The following MAGI1 variants were observed in gnomAD, a reference collection of about 807,000 sequenced individuals.
MAGI1 encodes the protein membrane associated guanylate kinase, WW and PDZ domain containing 1, also known as membrane-associated guanylate kinase, WW and PDZ domain-containing protein 1.
Under a neutral mutation model 139.9 loss-of-function variants are expected in MAGI1, and 58 were observed. The observed-to-expected ratio is 0.41, with a 90% confidence interval of 0.34 to 0.52. The LOEUF (loss-of-function observed/expected upper bound fraction) is 0.52, where lower values mean the gene tolerates loss of function less well. Ranked by LOEUF, MAGI1 falls within the 20% of genes least tolerant of loss-of-function variation. The pLI, the probability that MAGI1 is intolerant of heterozygous loss-of-function variation, is 0.12. For synonymous variants in MAGI1, 812 were observed against 737.9 expected, an observed-to-expected ratio of 1.10 and a Z score of -1.63; for missense variants, 1,874 against 1,901.6, an observed-to-expected ratio of 0.99 and a Z score of 0.27.
In MAGI1 at chr3:65,734,505, G is replaced by GAA. The variant is rs1553699208; in HGVS notation, c.314-112418_314-112417insTT. Among the ~76,000 whole-genome samples, 35 of 140,446 alleles carry GAA rather than the reference G, an allele frequency of 2.5e-4. 1 individual carries two copies. Among genetic ancestry groups the GAA allele is most frequent in the African/African-American group, 9.5e-4 (34 of 35,736 alleles). The allele number at this position is 140,446 out of a possible 152,430, so 92.1% of individuals were successfully genotyped here. On this transcript the variant is annotated intron_variant, in intron 1 of 22. Coordinates refer to ENST00000402939, the MANE Select transcript of MAGI1 (RefSeq NM_001033057.2). ...AGAGAAAGAAAGAGAGAAAGAGGAA[G>GAA]AGAGAGAAAGAAAGAGAGAAAGAGA...
intron 1 of MAGI1, among the ~76,000 whole-genome samples, chr3:65,928,302 A>G (rs1197234332): frequency 2.0e-5 from 3 of 152,196 alleles, no homozygotes; most frequent in Non-Finnish European, 4.4e-5. Context: ...GGCAAACACT[A>G]CAATCAGTGC....
At chr3:65,773,691 G>A (rs971301899) in intron 1 of MAGI1, among the ~76,000 whole-genome samples, 3 of 152,288 alleles carry the variant, frequency 2.0e-5, no homozygotes, top group African/African-American at 7.2e-5. Flanking sequence ...TCATCTGGAA[G>A]TTCACAAGCC....
At chr3:65,596,765 C>T (rs1488956974) in intron 2 of MAGI1, among the ~76,000 whole-genome samples, 1 of 152,170 alleles carries the variant, frequency 6.6e-6, no homozygotes, top group East Asian at 1.9e-4. Context: ...ACTTACAGAA[C>T]CAGACAGGGA....
At chr3:65,663,546 G>A (rs1015648392) in intron 1 of MAGI1, among the ~76,000 whole-genome samples, 8 of 152,282 alleles carry the variant, frequency 5.3e-5, no homozygotes, top group Admixed American at 4.6e-4. Flanking sequence ...CTGCAGAAAC[G>A]CCAAACTAAA....
At chr3:65,666,602 T>C (rs2086543272) in intron 1 of MAGI1, among the ~76,000 whole-genome samples, 1 of 152,230 alleles carries the variant, frequency 6.6e-6, no homozygotes. Flanking sequence ...CTAAACTATG[T>C]TTCAGTGAGC....
rs1343442497 is a variant in MAGI1 at position 65,430,898 on chromosome 3, A to T, written c.1364-17T>A. ...AGGGTTTGCCTGGATTAAAATAAGAAACGCATAAGGAATGTCACCACTGGT... is the reference window on the plus strand; with the variant it reads ...AGGGTTTGCCTGGATTAAAATAAGATACGCATAAGGAATGTCACCACTGGT... On this transcript the variant is annotated splice_polypyrimidine_tract_variant and intron_variant, in intron 10 of 22. Transcript: ENST00000402939. 6.2e-7 allele frequency: 1 copy of T among 1,611,110 alleles called. No individual in the cohort carries two copies. Among genetic ancestry groups the T allele is most frequent in the East Asian group, 2.2e-5 (1 of 44,732 alleles).
At chr3:65,709,346 A>C (rs1428084314) in intron 1 of MAGI1, among the ~76,000 whole-genome samples, 1 of 152,194 alleles carries the variant, frequency 6.6e-6, no homozygotes, top group Admixed American at 6.5e-5. Context: ...ACACTGGATT[A>C]CAGAGCCTTC....
At chr3:65,450,755 A>G (rs1948985475) in intron 6 of MAGI1, among the ~76,000 whole-genome samples, 2 of 152,226 alleles carry the variant, frequency 1.3e-5, no homozygotes, top group African/African-American at 4.8e-5. Flanking sequence ...TTTCTGAGAT[A>G]GGAAATAGAA....
intron 10 of MAGI1, among the ~76,000 whole-genome samples, chr3:65,435,376 G>C (rs1347572679): frequency 2.6e-5 from 4 of 152,068 alleles, no homozygotes. Flanking sequence ...CTAAGCATTT[G>C]GCACTCAGAA....
intron 2 of MAGI1, 29 bp downstream of exon 2, chr3:65,621,943 C>T (rs1485512557): frequency 2.1e-6 from 3 of 1,405,544 alleles, no homozygotes; most frequent in Non-Finnish European, 3.0e-6. Context: ...ACACACACAG[C>T]AGTGAGATGC....
At chr3:65,472,703 A>C (rs73115935) in intron 4 of MAGI1, among the ~76,000 whole-genome samples, 7,159 of 152,292 alleles carry the variant, frequency 0.047, 231 homozygotes, top group Admixed American at 0.083. Context: ...CCAGAGATGC[A>C]AATGAGACGT....
intron 5 of MAGI1, among the ~76,000 whole-genome samples, chr3:65,459,116 G>A (rs146808350): frequency 2.0e-5 from 3 of 152,250 alleles, no homozygotes; most frequent in Non-Finnish European, 4.4e-5. Flanking sequence ...CACCGTAGAT[G>A]TATGGATTTG....
At chr3:65,921,637 C>T (rs2062193159) in intron 1 of MAGI1, among the ~76,000 whole-genome samples, 1 of 151,996 alleles carries the variant, frequency 6.6e-6, no homozygotes, top group African/African-American at 2.4e-5. Flanking sequence ...AGATCTTTAC[C>T]ACCATATTGG....
chr3:65,976,490 G>A (rs1355342273), intron 1 of MAGI1, among the ~76,000 whole-genome samples: 4 of 152,004 alleles, frequency 2.6e-5, no homozygotes, highest in African/African-American at 9.7e-5. Context: ...AATTAGCCAG[G>A]TGTGGTGGTG....
intron 14 of MAGI1, among the ~76,000 whole-genome samples, chr3:65,388,566 C>T (rs1046601552): frequency 2.0e-5 from 3 of 152,028 alleles, no homozygotes; most frequent in Non-Finnish European, 4.4e-5. Context: ...GATTGATGCA[C>T]GATCATTCCT....
Position 65,761,852 on chromosome 3 carries a change from G to A in MAGI1, c.314-139764C>T, listed in dbSNP as rs567188137. On this transcript the variant is annotated intron_variant, in intron 1 of 22. Coordinates refer to ENST00000402939, the MANE Select transcript of MAGI1 (RefSeq NM_001033057.2). ...AGGATTGCTGAGCTCCCAAGTGCTTGTGAAAACACGTCAGGTGTGGGGATG... is the reference window on the plus strand; with the variant it reads ...AGGATTGCTGAGCTCCCAAGTGCTTATGAAAACACGTCAGGTGTGGGGATG... 6.6e-5 allele frequency among the ~76,000 whole-genome samples: 10 copies of A among 152,326 alleles called. No homozygotes were observed. In the South Asian group the frequency reaches 2.1e-3, roughly 32 times the overall value.
chr3:65,713,343 C>T (rs1174710928), intron 1 of MAGI1, among the ~76,000 whole-genome samples: 3 of 152,088 alleles, frequency 2.0e-5, no homozygotes, highest in Non-Finnish European at 2.9e-5. Context: ...ACAGGGAGCT[C>T]TGGAAAGAGA....
intron 12 of MAGI1, among the ~76,000 whole-genome samples, chr3:65,422,811 G>A (rs558724431): frequency 1.3e-5 from 2 of 152,240 alleles, no homozygotes; most frequent in South Asian, 4.2e-4. Flanking sequence ...GAGTGAGGAG[G>A]TCCTGTGGCT....
chr3:65,795,009 C>A (rs760982419), intron 1 of MAGI1, among the ~76,000 whole-genome samples: 45 of 152,250 alleles, frequency 3.0e-4, no homozygotes, highest in Non-Finnish European at 4.9e-4. Flanking sequence ...GAGATACCAC[C>A]ACGTACCTAT....
Sources: gnomAD v4.1 joint callset for allele counts (sites outside exome capture counted in the v4.1 genomes callset) on GRCh38, gnomAD v4.1.1 for gene constraint, MANE v1.5 for transcripts, NCBI Gene and HGNC (gene_info 2026-07-23, HGNC 2026-07-21) for gene names.